TEX11: variants seen among roughly 807,000 people sequenced by gnomAD.
The protein encoded by TEX11 is testis expressed 11.
A neutral mutation model predicts 84.4 loss-of-function variants in TEX11; 7 were observed. The ratio of observed to expected loss-of-function variants is 0.08; its 90% CI spans 0.05 to 0.16. The LOEUF is 0.16. Among genes scored for constraint, TEX11 ranks in the 10% least tolerant of loss-of-function variants. TEX11 has a pLI of 1.00. For missense variants in TEX11, 551 were observed against 660.5 expected, an observed-to-expected ratio of 0.83 and a Z score of 1.82; for synonymous variants, 264 against 222.8, an observed-to-expected ratio of 1.18 and a Z score of -1.64.
At chrX:70,641,651 C>T (rs1241549201) in intron 17 of TEX11, among the ~76,000 whole-genome samples, 1 of 111,535 alleles carries the variant, frequency 9.0e-6, no homozygotes, top group Admixed American at 9.5e-5. Context: ...AACTGAACAA[C>T]CTGCTCCTCA....
intron 1 of TEX11, among the ~76,000 whole-genome samples, chrX:70,908,176 A>T (rs2091844635): frequency 9.0e-6 from 1 of 111,594 alleles, no homozygotes; most frequent in Admixed American, 9.6e-5. Context: ...TGAGAACGCT[A>T]GCACCTTCAG....
chrX:70,573,967 G>A (rs5936929), intron 25 of TEX11, among the ~76,000 whole-genome samples: 47,510 of 110,602 alleles, frequency 0.43, 8,382 homozygotes, highest in East Asian at 0.6. Context: ...TAATACTTTC[G>A]ATGATGACAC....
chrX:70,552,752 C>T (rs901871626), intron 27 of TEX11, among the ~76,000 whole-genome samples: 2 of 111,564 alleles, frequency 1.8e-5, no homozygotes, highest in South Asian at 3.8e-4. Flanking sequence ...CAGCACTTAT[C>T]GGTGCTTAAA....
chrX:70,870,854 C>CA (rs2091626012), intron 4 of TEX11, among the ~76,000 whole-genome samples: 1 of 111,457 alleles, frequency 9.0e-6, no homozygotes, highest in Non-Finnish European at 1.9e-5. Flanking sequence ...GAATCAAAAC[C>CA]ACCAATGGAA....
At chrX:70,688,100 A>G in intron 13 of TEX11, among the ~76,000 whole-genome samples, 1 of 111,398 alleles carries the variant, frequency 9.0e-6, no homozygotes, top group East Asian at 2.8e-4. Flanking sequence ...TGTCTCAAAT[A>G]TTTGGGAAAA....
chrX:70,654,845 A>G lies in TEX11; in HGVS notation c.1381-3293T>C, dbSNP rs1218361738. Among the ~76,000 whole-genome samples the G allele has an allele frequency of 4.5e-5, 5 of 110,742 alleles. No homozygotes were observed. In the East Asian group the frequency reaches 1.4e-3, roughly 31 times the overall value. ...CTAGTTAAAAAACAAAAATGGTCAG[A>G]CTGGATTAAAAATATGTAACTACAT... is the stretch of plus-strand genomic sequence containing the variant. On this transcript the variant is annotated intron_variant, in intron 16 of 29. Transcript: ENST00000374333.
chrX:70,815,123 G>T (rs2091278999), intron 8 of TEX11, among the ~76,000 whole-genome samples: 1 of 111,683 alleles, frequency 9.0e-6, no homozygotes, highest in Admixed American at 9.6e-5. Flanking sequence ...CACAACTAGC[G>T]ATACTAATGA....
intron 13 of TEX11, among the ~76,000 whole-genome samples, chrX:70,719,962 C>G (rs2090542583): frequency 1.8e-5 from 2 of 111,580 alleles, no homozygotes; most frequent in African/African-American, 6.5e-5. Flanking sequence ...GACAGTGTGG[C>G]AATTCCTCAA....
intron 25 of TEX11, among the ~76,000 whole-genome samples, chrX:70,556,068 A>G (rs2088282407): frequency 9.0e-6 from 1 of 111,688 alleles, no homozygotes; most frequent in South Asian, 3.7e-4. Context: ...CAAAAGAAAA[A>G]AAAACTTTTG....
chrX:70,796,947 A>G (rs1381430020), intron 9 of TEX11, among the ~76,000 whole-genome samples: 4 of 112,218 alleles, frequency 3.6e-5, no homozygotes, highest in African/African-American at 1.3e-4. Context: ...GTTTTTATTA[A>G]AAAGTCAAAG....
At chrX:70,572,783 TA>T (rs1390518489) in intron 25 of TEX11, among the ~76,000 whole-genome samples, 14 of 93,389 alleles carry the variant, frequency 1.5e-4, no homozygotes, top group Non-Finnish European at 2.0e-4. Flanking sequence ...TTCTCACTCA[TA>T]GATGGGAATT....
At chrX:70,645,307 A>T (rs2089727957) in intron 17 of TEX11, among the ~76,000 whole-genome samples, 1 of 110,790 alleles carries the variant, frequency 9.0e-6, no homozygotes, top group African/African-American at 3.3e-5. Flanking sequence ...AAAACACAAT[A>T]AAGGCCATAT....
chrX:70,900,425 T>C (rs1424746772), intron 2 of TEX11, among the ~76,000 whole-genome samples: 1 of 102,931 alleles, frequency 9.7e-6, no homozygotes, highest in African/African-American at 3.5e-5. Context: ...TTGAAAATTT[T>C]CTTGAAACAA....
At chrX:70,818,442 C>T (rs935660660) in intron 8 of TEX11, among the ~76,000 whole-genome samples, 3 of 111,453 alleles carry the variant, frequency 2.7e-5, no homozygotes, top group Admixed American at 9.5e-5. Context: ...CAGGGTAGCT[C>T]AATACTTAGA....
chrX:70,575,890 T>A (rs1603091216), intron 25 of TEX11, among the ~76,000 whole-genome samples: 1 of 112,045 alleles, frequency 8.9e-6, no homozygotes, highest in South Asian at 3.7e-4. Context: ...TTGGAATAGA[T>A]CATTTCTTCC....
intron 13 of TEX11, among the ~76,000 whole-genome samples, chrX:70,692,252 T>C (rs1408798531): frequency 8.9e-6 from 1 of 111,797 alleles, no homozygotes; most frequent in African/African-American, 3.2e-5. Context: ...CTTGGGTCTC[T>C]GTGCTTTTTT....
chrX:70,527,878 A>C (rs940775214), downstream of TEX11, among the ~76,000 whole-genome samples: 1 of 112,278 alleles, frequency 8.9e-6, no homozygotes, highest in African/African-American at 3.2e-5. Context: ...GTGTATGTCA[A>C]TTCTTTGTGC....
intron 7 of TEX11, among the ~76,000 whole-genome samples, chrX:70,846,870 G>C (rs1197551506): frequency 1.8e-5 from 2 of 111,490 alleles, no homozygotes; most frequent in Non-Finnish European, 1.9e-5. Flanking sequence ...ATTTCAGTGA[G>C]CTGAGATCAC....
At chrX:70,777,868 T>G (rs752984170) in intron 9 of TEX11, among the ~76,000 whole-genome samples, 1 of 111,180 alleles carries the variant, frequency 9.0e-6, no homozygotes, top group Non-Finnish European at 1.9e-5. Flanking sequence ...AGGAAACAAC[T>G]AATAAAATGA....
Sources: gnomAD v4.1 joint callset for allele counts (sites outside exome capture counted in the v4.1 genomes callset) on GRCh38, gnomAD v4.1.1 for gene constraint, MANE v1.5 for transcripts, NCBI Gene and HGNC (gene_info 2026-07-23, HGNC 2026-07-21) for gene names.